Variants in ZNF536 observed in about 807,000 individuals in gnomAD.
ZNF536 encodes the protein zinc finger protein 536.
ZNF536 carries 13 observed loss-of-function variants against 84.5 expected under a neutral mutation model. The ratio of observed to expected loss-of-function variants is 0.15; its 90% CI spans 0.10 to 0.24. The LOEUF is 0.24. Among genes scored for constraint, ZNF536 ranks in the 10% least tolerant of loss-of-function variants. The pLI is 1.00. For missense variants in ZNF536, 1,536 were observed against 1,747.5 expected (o/e 0.88, Z 2.16); for synonymous variants, 811 against 742.5 (o/e 1.09, Z -1.50).
chr19:30,537,039 T>C (rs986496579), intron 3 of ZNF536, among the ~76,000 whole-genome samples: 1 of 152,172 alleles, frequency 6.6e-6, no homozygotes, highest in African/African-American at 2.4e-5. Context: ...TGACACACCA[T>C]GCATTTGTAT....
intron 2 of ZNF536, among the ~76,000 whole-genome samples, chr19:30,481,144 T>C (rs570403242): frequency 1.3e-5 from 2 of 152,358 alleles, no homozygotes; most frequent in South Asian, 4.1e-4. Flanking sequence ...GTCACTTATG[T>C]CTGAGGTTCC....
intron 1 of ZNF536, among the ~76,000 whole-genome samples, chr19:30,607,276 G>C (rs758339463): frequency 1.3e-5 from 2 of 151,704 alleles, no homozygotes; most frequent in Non-Finnish European, 2.9e-5. Context: ...ACTTTTTTTT[G>C]TTTTAGAGTT....
chr19:30,558,282 G>T (rs531311703), downstream of ZNF536, among the ~76,000 whole-genome samples: 1 of 152,220 alleles, frequency 6.6e-6, no homozygotes, highest in South Asian at 2.1e-4. Context: ...TTCCAATTTG[G>T]GTGGATGACT....
At chr19:30,234,771 A>ACG (rs1327339651) in intron 1 of ZNF536, among the ~76,000 whole-genome samples, 7,434 of 148,874 alleles carry the variant, frequency 0.05, 1,066 homozygotes, top group Non-Finnish European at 0.075. Context: ...ACACACACAC[A>ACG]CACGCGCACA....
intron 2 of ZNF536, among the ~76,000 whole-genome samples, chr19:30,483,552 C>T (rs532260517): frequency 9.3e-5 from 14 of 150,718 alleles, no homozygotes; most frequent in Admixed American, 5.3e-4. Flanking sequence ...TTCTCACACC[C>T]CTTGGAGACC....
exon 2 of ZNF536, chr19:30,712,188 A>C (rs572609148): frequency 1.4e-4 from 22 of 152,278 alleles, no homozygotes; most frequent in African/African-American, 4.6e-4. Context: ...GGATACTCCA[A>C]ATTTATCAAG....
At chr19:30,699,691 A>G (rs1212180797) in intron 1 of ZNF536, among the ~76,000 whole-genome samples, 5 of 152,118 alleles carry the variant, frequency 3.3e-5, no homozygotes, top group Non-Finnish European at 7.4e-5. Context: ...TACCTCTCTC[A>G]TTGCCCTGCT....
chr19:30,377,806 A>C (rs2048874447), intron 1 of ZNF536, among the ~76,000 whole-genome samples: 1 of 152,196 alleles, frequency 6.6e-6, no homozygotes, highest in Non-Finnish European at 1.5e-5. Flanking sequence ...CTTAACCATA[A>C]ACATCTAGCA....
intron 2 of ZNF536, among the ~76,000 whole-genome samples, chr19:30,316,169 C>T (rs1184058268): frequency 1.3e-5 from 2 of 152,176 alleles, no homozygotes; most frequent in African/African-American, 4.8e-5. Context: ...GGTATATATT[C>T]TAATTCTTTA....
chr19:30,227,225 C>T (rs2022662010), upstream of ZNF536, among the ~76,000 whole-genome samples: 2 of 152,148 alleles, frequency 1.3e-5, no homozygotes, highest in Admixed American at 1.3e-4. Context: ...GCGGAGTGAA[C>T]TCCGGCAGGG....
intron 2 of ZNF536, among the ~76,000 whole-genome samples, chr19:30,309,828 A>G (rs934592450): frequency 3.2e-4 from 49 of 152,000 alleles, no homozygotes; most frequent in African/African-American, 1.2e-3. Flanking sequence ...TCGCAGGGTG[A>G]CTTCGACGGC....
intron 1 of ZNF536, among the ~76,000 whole-genome samples, chr19:30,625,498 A>G (rs990387470): frequency 6.6e-6 from 1 of 152,232 alleles, no homozygotes; most frequent in African/African-American, 2.4e-5. Flanking sequence ...TTATACCAGA[A>G]GGTTGATATT....
At chr19:30,621,308 T>C (rs537895978) in intron 1 of ZNF536, among the ~76,000 whole-genome samples, 6 of 152,234 alleles carry the variant, frequency 3.9e-5, no homozygotes, top group Non-Finnish European at 1.5e-5. Flanking sequence ...TACAGATGCT[T>C]CGAAGGTCTT....
chr19:30,400,943 G>A (rs1337169280), intron 1 of ZNF536, among the ~76,000 whole-genome samples: 1 of 152,058 alleles, frequency 6.6e-6, no homozygotes, highest in African/African-American at 2.4e-5. Context: ...CCAGGACCTA[G>A]GTTCCTATGA....
At chr19:30,667,909 C>T (rs562065606) in intron 1 of ZNF536, among the ~76,000 whole-genome samples, 2 of 152,112 alleles carry the variant, frequency 1.3e-5, no homozygotes, top group Admixed American at 6.5e-5. Context: ...CTCATTTCAT[C>T]GATGGGGAAA....
In ZNF536 at chr19:30,412,044, T is replaced by G. The variant is rs546528546; in HGVS notation, c.-2-31517T>G. 2.3e-3 allele frequency among the ~76,000 whole-genome samples: 354 copies of G among 151,920 alleles called. 7 individuals are homozygous for G. The highest frequency in any genetic ancestry group is 3.4e-3 in the Middle Eastern group (1 of 294). ...ATTTCCTCTGACAACTTACAATTGT[T>G]TTTTTTTATACAGGAAAGTGATCAT... On this transcript the variant is annotated intron_variant, in intron 1 of 4. Transcript: ENST00000355537.
chr19:30,264,584 G>A (rs1206946369), intron 1 of ZNF536, among the ~76,000 whole-genome samples: 1 of 152,062 alleles, frequency 6.6e-6, no homozygotes, highest in Non-Finnish European at 1.5e-5. Flanking sequence ...ATGGTAATTT[G>A]CGATTAATTT....
At chr19:30,695,837 G>A (rs1444264917) in intron 1 of ZNF536, among the ~76,000 whole-genome samples, 2 of 152,102 alleles carry the variant, frequency 1.3e-5, no homozygotes, top group Non-Finnish European at 2.9e-5. Context: ...GGACAGGGCT[G>A]GCTGTCACCA....
At chr19:30,453,069 T>C (rs1419535971) in intron 2 of ZNF536, among the ~76,000 whole-genome samples, 1 of 152,142 alleles carries the variant, frequency 6.6e-6, no homozygotes, top group East Asian at 1.9e-4. Flanking sequence ...CCCCCTTGTC[T>C]TTTGCTGGCA....
Sources: allele counts gnomAD v4.1 joint callset (sites outside exome capture counted in the v4.1 genomes callset), GRCh38; gene constraint gnomAD v4.1.1; transcripts MANE v1.5; gene names NCBI Gene and HGNC (gene_info 2026-07-23, HGNC 2026-07-21).